The following DNAJC3 variants were observed in gnomAD, a reference collection of about 807,000 sequenced individuals.
DNAJC3 encodes dnaJ homolog subfamily C member 3.
DNAJC3 carries 38 observed loss-of-function variants against 68.6 expected under a neutral mutation model. That is an observed-to-expected ratio of 0.55 (90% CI 0.43 to 0.73). The LOEUF (loss-of-function observed/expected upper bound fraction) is 0.73, where lower values mean the gene tolerates loss of function less well. Ranked by LOEUF, DNAJC3 falls within the 30% of genes least tolerant of loss-of-function variation. The pLI is 0.00. For synonymous variants in DNAJC3, 203 were observed against 204.0 expected, an observed-to-expected ratio of 1.00 and a Z score of 0.04; for missense variants, 526 against 591.9, an observed-to-expected ratio of 0.89 and a Z score of 1.16.
chr13:95,725,311 C>T, intron 4 of DNAJC3, 59 bp downstream of exon 4: 1 of 1,302,810 alleles, frequency 7.7e-7, no homozygotes, highest in Non-Finnish European at 1.0e-6. Flanking sequence ...CGTATTTGAC[C>T]TTTTTTATAT....
intron 5 of DNAJC3, among the ~76,000 whole-genome samples, chr13:95,759,791 T>A (rs542628808): frequency 6.6e-6 from 1 of 152,344 alleles, no homozygotes; most frequent in African/African-American, 2.4e-5. Context: ...GAAAAGGGCC[T>A]TGTTATTATA....
In DNAJC3 at chr13:95,754,303, G is replaced by A. The variant is rs143797480; in HGVS notation, c.394-3341G>A. Among the ~76,000 whole-genome samples, 491 of 152,222 alleles carry A rather than the reference G, an allele frequency of 3.2e-3. 2 individuals are homozygous for A. Among genetic ancestry groups the A allele is most frequent in the African/African-American group, 0.011 (475 of 41,538 alleles). The stretch of plus-strand genomic sequence containing the variant: ...CTTCCCTTGGTTGCTTCTCACACGG[G>A]CCTCTCACATGTCACAACATGGCAG... On this transcript the variant is annotated intron_variant, in intron 4 of 11. Transcript: ENST00000602402.
intron 4 of DNAJC3, among the ~76,000 whole-genome samples, chr13:95,754,929 A>G (rs1240937310): frequency 1.3e-5 from 2 of 152,184 alleles, no homozygotes; most frequent in African/African-American, 4.8e-5. Context: ...AAGCTCAGTG[A>G]CCAGGATACA....
chr13:95,731,170 TA>T (rs57900418), intron 4 of DNAJC3, among the ~76,000 whole-genome samples: 1 of 151,942 alleles, frequency 6.6e-6, no homozygotes, highest in East Asian at 1.9e-4. Context: ...TTTACTGAAT[TA>T]AAAAAAATAG....
chr13:95,728,724 G>T (rs532454310), intron 4 of DNAJC3, among the ~76,000 whole-genome samples: 4 of 152,278 alleles, frequency 2.6e-5, no homozygotes, highest in Non-Finnish European at 4.4e-5. Flanking sequence ...AACATGTGAT[G>T]CCTTGTTACA....
intron 4 of DNAJC3, among the ~76,000 whole-genome samples, chr13:95,734,225 G>C (rs1480437782): frequency 6.6e-6 from 1 of 152,140 alleles, no homozygotes; most frequent in Admixed American, 6.5e-5. Flanking sequence ...AATTGGTCTA[G>C]TGGTGATGAA....
chr13:95,775,290 C>G (rs1410966625), intron 9 of DNAJC3, among the ~76,000 whole-genome samples: 2 of 152,196 alleles, frequency 1.3e-5, no homozygotes, highest in Non-Finnish European at 2.9e-5. Flanking sequence ...TTAGTTACCA[C>G]TATAATTGAA....
At chr13:95,770,967 T>A (rs957493348) in intron 9 of DNAJC3, among the ~76,000 whole-genome samples, 1 of 152,174 alleles carries the variant, frequency 6.6e-6, no homozygotes, top group Non-Finnish European at 1.5e-5. Context: ...ATGAGAAATT[T>A]CAAATAAAGA....
chr13:95,750,293 A>ACAAACCCCAC (rs1310132067), intron 4 of DNAJC3, among the ~76,000 whole-genome samples: 1 of 151,424 alleles, frequency 6.6e-6, no homozygotes, highest in African/African-American at 2.4e-5. Context: ...AACCCAGAAA[A>ACAAACCCCAC]CAAACCCCAC....
chr13:95,708,603 A>C (rs1404774065), intron 1 of DNAJC3, among the ~76,000 whole-genome samples: 1 of 151,936 alleles, frequency 6.6e-6, no homozygotes, highest in African/African-American at 2.4e-5. Context: ...CTCAGATGTC[A>C]GTTTCTCAAG....
At chr13:95,713,678 C>T (rs924501641) in intron 2 of DNAJC3, among the ~76,000 whole-genome samples, 4 of 152,158 alleles carry the variant, frequency 2.6e-5, no homozygotes, top group Non-Finnish European at 1.5e-5. Flanking sequence ...CATGAGTTGC[C>T]TTGTGGACGA....
chr13:95,735,760 A>G (rs1277250602), intron 4 of DNAJC3, among the ~76,000 whole-genome samples: 1 of 151,600 alleles, frequency 6.6e-6, no homozygotes, highest in African/African-American at 2.4e-5. Context: ...ATTTTCTCCC[A>G]TTTTGTAGGT....
chr13:95,780,478 A>G (rs988347994), intron 9 of DNAJC3, among the ~76,000 whole-genome samples: 1 of 151,966 alleles, frequency 6.6e-6, no homozygotes, highest in Admixed American at 6.6e-5. Context: ...TTTTGTCAGC[A>G]TTTTCTGTGA....
chr13:95,777,908 C>T (rs977905334), intron 9 of DNAJC3, among the ~76,000 whole-genome samples: 35 of 152,250 alleles, frequency 2.3e-4, no homozygotes, highest in Admixed American at 1.5e-3. Flanking sequence ...CGTGTGACAC[C>T]ACAAGTCTTA....
At chr13:95,727,648 T>C (rs1053490271) in intron 4 of DNAJC3, among the ~76,000 whole-genome samples, 2 of 152,224 alleles carry the variant, frequency 1.3e-5, no homozygotes, top group Admixed American at 6.5e-5. Flanking sequence ...ATTGTTTTTG[T>C]ACCTATGAAT....
At chr13:95,780,994 T>C (rs1883434357) in intron 9 of DNAJC3, among the ~76,000 whole-genome samples, 1 of 152,186 alleles carries the variant, frequency 6.6e-6, no homozygotes, top group Admixed American at 6.5e-5. Flanking sequence ...AATGCTGGTC[T>C]GTGCTGGGGA....
Position 95,725,221 on chromosome 13 carries a change from T to C in DNAJC3, c.362T>C (p.Leu121Pro). The part of the protein sequence containing the change: ...RGHLLLKQGK[L>P]DEAEDDFKKV... ...CACTTATTACTCAAACAAGGAAAAC[T>C]TGATGAAGCAGAAGATGATTTTAAA... The change falls in exon 4 of 12, where the codon CTT becomes CCT. Residue 121 changes from leucine to proline, a missense_variant. Coordinates refer to ENST00000602402, the MANE Select transcript of DNAJC3 (RefSeq NM_006260.5). The C allele has an allele frequency of 6.3e-7, 1 of 1,596,942 alleles. No individual in the cohort carries two copies. Among genetic ancestry groups the C allele is most frequent in the Non-Finnish European group, 8.5e-7 (1 of 1,173,946 alleles).
chr13:95,741,033 G>T (rs1262830974), intron 4 of DNAJC3, among the ~76,000 whole-genome samples: 1 of 151,940 alleles, frequency 6.6e-6, no homozygotes, highest in Non-Finnish European at 1.5e-5. Context: ...TCATTATATT[G>T]AATCATTTTT....
intron 1 of DNAJC3, among the ~76,000 whole-genome samples, chr13:95,690,828 C>T (rs1395621503): frequency 5.7e-5 from 8 of 140,420 alleles, no homozygotes; most frequent in Admixed American, 5.5e-4. Context: ...GGGCAGCTGG[C>T]CGGGCAGAGG....
Sources: allele counts gnomAD v4.1 joint callset (sites outside exome capture counted in the v4.1 genomes callset), GRCh38; gene constraint gnomAD v4.1.1; transcripts MANE v1.5; gene names NCBI Gene and HGNC (gene_info 2026-07-23, HGNC 2026-07-21).